KDM4C: variants seen among roughly 807,000 people sequenced by gnomAD.
KDM4C encodes the protein lysine-specific demethylase 4C.
A neutral mutation model predicts 129.3 loss-of-function variants in KDM4C; 81 were observed. The ratio of observed to expected loss-of-function variants is 0.63; its 90% confidence interval spans 0.52 to 0.75. The LOEUF (loss-of-function observed/expected upper bound fraction) is 0.75, where lower values mean the gene tolerates loss of function less well. Ranked by LOEUF, KDM4C falls within the 30% of genes least tolerant of loss-of-function variation. The pLI, the probability that KDM4C is intolerant of heterozygous loss-of-function variation, is 0.00. For missense variants in KDM4C, 1,457 were observed against 1,304.0 expected (o/e 1.12, Z -1.81); for synonymous variants, 573 against 456.1 (o/e 1.26, Z -3.26).
chr9:6,758,341 T>A lies in KDM4C; in HGVS notation c.-18+138T>A. On this transcript the variant is annotated intron_variant, in intron 1 of 21. Coordinates refer to ENST00000381309, the MANE Select transcript of KDM4C (RefSeq NM_015061.6). This position sits in a 1 kb window ranked among gnomAD's most constrained non-coding sequence, Gnocchi z 4.6. ...GCGACGCTGGGGCAGAGACGCTCCG[T>A]CCGTGACTGCAGCGACTGTCAAGCT... is the stretch of plus-strand genomic sequence containing the variant. 2.6e-6 allele frequency: 1 copy of A among 391,856 alleles called. No homozygotes were observed. The highest frequency in any genetic ancestry group is 2.2e-5 in the African/African-American group (1 of 45,828). 24.3% of individuals were successfully genotyped at this position (391,856 alleles called of 1,614,324 possible). A position where few individuals can be genotyped will look rare whatever the true frequency, so the allele number is the denominator to read the frequency against.
chr9:6,792,088 C>G (rs1347384373), intron 1 of KDM4C, among the ~76,000 whole-genome samples: 3 of 152,074 alleles, frequency 2.0e-5, no homozygotes, highest in South Asian at 4.2e-4. Context: ...ATCTGTAAAT[C>G]CCAGCACTTT....
At chr9:6,943,000 C>G (rs546402414) in intron 8 of KDM4C, among the ~76,000 whole-genome samples, 65 of 152,150 alleles carry the variant, frequency 4.3e-4, no homozygotes, top group African/African-American at 1.5e-3. Context: ...TGAGTAGCTA[C>G]GACTACAGCC....
At chr9:7,087,175 C>G (rs1005878736) in intron 17 of KDM4C, among the ~76,000 whole-genome samples, 1 of 150,326 alleles carries the variant, frequency 6.7e-6, no homozygotes, top group Non-Finnish European at 1.5e-5. Context: ...GACCAGCGTG[C>G]GTTTAGGCAT....
chr9:6,913,043 C>T (rs868472254), intron 8 of KDM4C, among the ~76,000 whole-genome samples: 11 of 152,232 alleles, frequency 7.2e-5, no homozygotes, highest in Non-Finnish European at 1.3e-4. Flanking sequence ...CTGGTCGTAT[C>T]AGTCCTCCCT....
At chr9:6,862,349 T>C (rs1841093538) in intron 5 of KDM4C, among the ~76,000 whole-genome samples, 1 of 152,256 alleles carries the variant, frequency 6.6e-6, no homozygotes, top group Non-Finnish European at 1.5e-5. Context: ...GACCATTTAC[T>C]GTTTATTTTT....
chr9:6,909,275 G>C (rs1039805070), intron 8 of KDM4C, among the ~76,000 whole-genome samples: 1 of 152,250 alleles, frequency 6.6e-6, no homozygotes, highest in Non-Finnish European at 1.5e-5. Flanking sequence ...ATGTGGCCAA[G>C]AGAACAGATG....
intron 1 of KDM4C, among the ~76,000 whole-genome samples, chr9:6,759,899 C>T (rs1330070474): frequency 6.7e-6 from 1 of 149,860 alleles, no homozygotes; most frequent in African/African-American, 2.5e-5. Context: ...CGAGATGGCA[C>T]CACTGCACTC....
chr9:6,837,657 G>C (rs572560429), intron 4 of KDM4C, among the ~76,000 whole-genome samples: 1 of 151,958 alleles, frequency 6.6e-6, no homozygotes, highest in Non-Finnish European at 1.5e-5. Flanking sequence ...TTTATGAACT[G>C]TCCTCTATTT....
intron 15 of KDM4C, among the ~76,000 whole-genome samples, chr9:7,019,378 T>C (rs1177030140): frequency 6.6e-6 from 1 of 152,102 alleles, no homozygotes; most frequent in East Asian, 1.9e-4. Flanking sequence ...AATCAAATAG[T>C]GCAGCTGAAG....
chr9:6,865,085 T>A (rs1053331385), intron 5 of KDM4C, among the ~76,000 whole-genome samples: 9 of 150,702 alleles, frequency 6.0e-5, no homozygotes, highest in Non-Finnish European at 1.3e-4. Flanking sequence ...CTCGGCTCAC[T>A]GCAAGCTCTG....
chr9:7,128,127 A>G lies in KDM4C; in HGVS notation c.2672A>G (p.Asn891Ser), dbSNP rs1375645447. The change falls in exon 19 of 22, where the codon AAC becomes AGC. Residue 891 changes from asparagine to serine, a missense_variant. Transcript: ENST00000381309. Reference sequence around the variant, plus strand: ...CAAACGGTCATCACGAAGCATCGGAACACCCGGTATTACAGTTGCAGAGTG... The same window carrying G: ...CAAACGGTCATCACGAAGCATCGGAGCACCCGGTATTACAGTTGCAGAGTG... ...VGQTVITKHR[N>S]TRYYSCRVMA... The G allele has an allele frequency of 1.2e-6, 2 of 1,612,736 alleles. No individual in the cohort carries two copies. The highest frequency in any genetic ancestry group is 2.7e-5 in the African/African-American group (2 of 74,830).
At chr9:7,109,008 T>G (rs1244097986) in intron 18 of KDM4C, among the ~76,000 whole-genome samples, 3 of 152,194 alleles carry the variant, frequency 2.0e-5, no homozygotes, top group African/African-American at 7.2e-5. Flanking sequence ...TCCAAAACAT[T>G]CACTCCCACT....
chr9:6,774,707 G>T (rs1476972719), intron 1 of KDM4C, among the ~76,000 whole-genome samples: 2 of 152,220 alleles, frequency 1.3e-5, no homozygotes, highest in African/African-American at 2.4e-5. Flanking sequence ...GATATTTATA[G>T]AAATATATTA....
At chr9:6,934,396 C>T (rs1157981547) in intron 8 of KDM4C, among the ~76,000 whole-genome samples, 13 of 150,470 alleles carry the variant, frequency 8.6e-5, no homozygotes, top group Non-Finnish European at 1.0e-4. Context: ...AGGAGAATGG[C>T]GTGAACCCGG....
intron 17 of KDM4C, among the ~76,000 whole-genome samples, chr9:7,057,288 A>G (rs1009251828): frequency 2.6e-5 from 4 of 152,218 alleles, no homozygotes; most frequent in African/African-American, 7.2e-5. Flanking sequence ...ATCTAACATG[A>G]GCTCCTGGTT....
At chr9:6,954,792 C>T (rs563668064) in intron 8 of KDM4C, among the ~76,000 whole-genome samples, 1 of 152,324 alleles carries the variant, frequency 6.6e-6, no homozygotes, top group East Asian at 1.9e-4. Flanking sequence ...GGGCAGACTT[C>T]ATGTACCCAC....
intron 17 of KDM4C, among the ~76,000 whole-genome samples, chr9:7,078,779 A>C (rs16925294): frequency 6.6e-6 from 1 of 152,208 alleles, no homozygotes; most frequent in Non-Finnish European, 1.5e-5. Context: ...AAATCAATCT[A>C]TACTTATCTG....
At chr9:6,732,668 G>T (rs979153649) in intron 1 of KDM4C, among the ~76,000 whole-genome samples, 1 of 152,156 alleles carries the variant, frequency 6.6e-6, no homozygotes. Context: ...TTCCTAAACC[G>T]GGATTGAACC....
At chr9:7,086,015 A>G (rs1158521474) in intron 17 of KDM4C, among the ~76,000 whole-genome samples, 1 of 152,130 alleles carries the variant, frequency 6.6e-6, no homozygotes, top group East Asian at 1.9e-4. Context: ...AACATTAGCC[A>G]GGCATAGTGG....
Sources: allele counts gnomAD v4.1 joint callset (sites outside exome capture counted in the v4.1 genomes callset), GRCh38; gene constraint gnomAD v4.1.1; non-coding constraint Gnocchi (gnomAD v3.1); transcripts MANE v1.5; gene names NCBI Gene and HGNC (gene_info 2026-07-23, HGNC 2026-07-21).